Variants in PCDHGA9 observed in about 807,000 individuals in gnomAD.
PCDHGA9 encodes the protein protocadherin gamma subfamily A, 9.
In PCDHGA9, 37 loss-of-function variants were observed where a neutral mutation model predicts 62.5. The ratio of observed to expected loss-of-function variants is 0.59; its 90% CI spans 0.46 to 0.78. PCDHGA9 has a LOEUF of 0.78. PCDHGA9 is among the 30% of genes least tolerant of loss of function. The pLI is 0.00. For missense variants in PCDHGA9, 1,138 were observed against 1,166.2 expected (o/e 0.98, Z 0.35); for synonymous variants, 459 against 484.6 (o/e 0.95, Z 0.69).
In PCDHGA9 at chr5:141,403,391, G is replaced by GT. The variant is rs2154533404; in HGVS notation, c.441dup (p.Pro148SerfsTer12). The GT allele has an allele frequency of 1.2e-6, 2 of 1,614,046 alleles. No individual in the cohort carries two copies. The highest frequency in any genetic ancestry group is 3.3e-5 in the Admixed American group (2 of 60,034). ...GGAAGTAAAAATTAACGAAATCGCGGTTCCTGGAGCACGTTATCCACTTCC... is the reference window on the plus strand; with the variant it reads ...GGAAGTAAAAATTAACGAAATCGCGGTTTCCTGGAGCACGTTATCCACTTCC... On this transcript the variant is annotated frameshift_variant, in exon 1 of 4. Coordinates refer to ENST00000573521, the MANE Select transcript of PCDHGA9 (RefSeq NM_018921.3). LOFTEE classifies it high-confidence loss of function.
chr5:141,477,835 T>G lies in PCDHGA9; in HGVS notation c.2425-16972T>G. ...CCCAGGTCCTATATCCTCGGCCAGG[T>G]GGGAGCTCGGTGGAGATGCTGCCTC... On this transcript the variant is annotated intron_variant, in intron 1 of 3. Coordinates refer to ENST00000573521, the MANE Select transcript of PCDHGA9 (RefSeq NM_018921.3). This position sits in a 1 kb window ranked among gnomAD's most constrained non-coding sequence, Gnocchi z 4.9. The G allele has an allele frequency of 6.2e-7, 1 of 1,614,090 alleles. No individual in the cohort carries two copies. Among genetic ancestry groups the G allele is most frequent in the South Asian group, 1.1e-5 (1 of 91,072 alleles).
chr5:141,420,394 C>A, intron 1 of PCDHGA9: 2 of 1,260,296 alleles, frequency 1.6e-6, no homozygotes, highest in Non-Finnish European at 2.1e-6. Flanking sequence ...AAATATAGGT[C>A]AAATTTATGG....
At chr5:141,415,266 G>T in intron 1 of PCDHGA9, 1 of 1,614,218 alleles carries the variant, frequency 6.2e-7, no homozygotes, top group Non-Finnish European at 8.5e-7. Flanking sequence ...CTCTGTACCT[G>T]GTGGTAGCGG....
At chr5:141,456,821 A>G (rs1432134342) in intron 1 of PCDHGA9, among the ~76,000 whole-genome samples, 2 of 151,744 alleles carry the variant, frequency 1.3e-5, no homozygotes, top group Admixed American at 6.6e-5. Context: ...AAAATTAGCC[A>G]TCGTGGTAGT....
Position 141,408,292 on chromosome 5 carries a change from T to C in PCDHGA9, c.2424+2916T>C, listed in dbSNP as rs752767472. On this transcript the variant is annotated intron_variant, in intron 1 of 3. Coordinates refer to ENST00000573521, the MANE Select transcript of PCDHGA9 (RefSeq NM_018921.3). ...TGCCTTTGTTCTACCCCACCCTGAGTGAGCCGATCCGCTACTCGATTCCGG... is the reference window on the plus strand; with the variant it reads ...TGCCTTTGTTCTACCCCACCCTGAGCGAGCCGATCCGCTACTCGATTCCGG... The C allele has an allele frequency of 5.0e-6, 8 of 1,613,504 alleles. No homozygotes were observed. The South Asian group carries it at 8.8e-5, about 18-fold the overall frequency.
intron 1 of PCDHGA9, among the ~76,000 whole-genome samples, chr5:141,437,716 C>T (rs575174227): frequency 1.2e-4 from 18 of 151,782 alleles, no homozygotes; most frequent in Admixed American, 1.0e-3. Flanking sequence ...CACAGTTACC[C>T]TCTAATGTTA....
At chr5:141,419,723 C>G (rs373666366) in intron 1 of PCDHGA9, 1 of 1,613,174 alleles carries the variant, frequency 6.2e-7, no homozygotes, top group African/African-American at 1.3e-5. Context: ...CCTGGGGCTG[C>G]GAACAGGCGA....
At chr5:141,464,682 T>C (rs1442997972) in intron 1 of PCDHGA9, among the ~76,000 whole-genome samples, 1 of 152,132 alleles carries the variant, frequency 6.6e-6, no homozygotes, top group Non-Finnish European at 1.5e-5. Flanking sequence ...TTAATTAAAA[T>C]TTCTCTTATT....
rs759220286 is a variant in PCDHGA9 at position 141,490,018 on chromosome 5, C to G, written c.2425-4789C>G. The G allele has an allele frequency of 6.2e-7, 1 of 1,614,252 alleles. No individual in the cohort carries two copies. Among genetic ancestry groups the G allele is most frequent in the Non-Finnish European group, 8.5e-7 (1 of 1,180,038 alleles). ...CCCAGAGAATGCACCCATTGGTACTCTGCTGCTCCGCCTCAATGCCACTGA... is the reference window on the plus strand; with the variant it reads ...CCCAGAGAATGCACCCATTGGTACTGTGCTGCTCCGCCTCAATGCCACTGA... On this transcript the variant is annotated intron_variant, in intron 1 of 3. Transcript: ENST00000573521. This position sits in a 1 kb window ranked among gnomAD's most constrained non-coding sequence, Gnocchi z 5.4.
intron 2 of PCDHGA9, among the ~76,000 whole-genome samples, chr5:141,497,621 C>T (rs769483223): frequency 7.3e-5 from 11 of 151,482 alleles, no homozygotes; most frequent in Non-Finnish European, 1.3e-4. Flanking sequence ...CTCACTGCAA[C>T]CTCTGCCTGC....
intron 2 of PCDHGA9, among the ~76,000 whole-genome samples, chr5:141,501,018 G>A (rs1337771734): frequency 2.0e-5 from 3 of 151,882 alleles, no homozygotes; most frequent in East Asian, 1.9e-4. Context: ...ACAGGCACGC[G>A]CCACCACGCC....
At chr5:141,508,806 C>T (rs1243735850) in intron 3 of PCDHGA9, among the ~76,000 whole-genome samples, 1 of 152,066 alleles carries the variant, frequency 6.6e-6, no homozygotes, top group African/African-American at 2.4e-5. Flanking sequence ...AATCCTGGCT[C>T]TTTGAAGCCA....
At position 141,403,578 on chromosome 5, in the gene PCDHGA9, A is replaced by G; in HGVS notation, c.626A>G (p.His209Arg). The G allele has an allele frequency of 6.2e-7, 1 of 1,613,850 alleles. No individual in the cohort carries two copies. ...ALDREEATAH[H>R]LVLTASDGGE... Reference sequence around the variant, plus strand: ...GACAGGGAGGAGGCAACTGCCCACCACCTGGTCCTCACGGCCTCGGATGGC... The same window carrying G: ...GACAGGGAGGAGGCAACTGCCCACCGCCTGGTCCTCACGGCCTCGGATGGC... The change falls in exon 1 of 4, where the codon CAC becomes CGC. Residue 209 changes from histidine (H) to arginine (R), a missense_variant. Transcript: ENST00000573521.
At chr5:141,421,060 A>C (rs1394861719) in intron 1 of PCDHGA9, 3 of 579,718 alleles carry the variant, frequency 5.2e-6, no homozygotes, top group Non-Finnish European at 8.8e-6. Context: ...TACCACACAA[A>C]GCGGAATGAG....
rs1248714579 is a variant in PCDHGA9 at position 141,489,513 on chromosome 5, C to A, written c.2425-5294C>A. The A allele has an allele frequency of 6.2e-7, 1 of 1,614,000 alleles. No homozygotes were observed. Among genetic ancestry groups the A allele is most frequent in the African/African-American group, 1.3e-5 (1 of 74,918 alleles). ...CCCTGGCAGTGAATCAAAAGATTGACCGAGAAAGCCTATGTGGAGCCAGCA... is the reference window on the plus strand; with the variant it reads ...CCCTGGCAGTGAATCAAAAGATTGAACGAGAAAGCCTATGTGGAGCCAGCA... On this transcript the variant is annotated intron_variant, in intron 1 of 3. Coordinates refer to ENST00000573521, the MANE Select transcript of PCDHGA9 (RefSeq NM_018921.3). The surrounding 1 kb of genome is among the most constrained non-coding windows in gnomAD (Gnocchi z 4.5).
intron 1 of PCDHGA9, among the ~76,000 whole-genome samples, chr5:141,451,108 G>A (rs1484218835): frequency 3.3e-5 from 5 of 151,860 alleles, no homozygotes; most frequent in South Asian, 2.1e-4. Flanking sequence ...GATTACAGGC[G>A]TGAGCCACCA....
Position 141,476,610 on chromosome 5 carries a change from G to A in PCDHGA9, c.2425-18197G>A, listed in dbSNP as rs769858609. ...GAGAGCGCGCACGATCCCGATGTGGGAAGCAACTCTTTACAAACCTATGAG... is the reference window on the plus strand; with the variant it reads ...GAGAGCGCGCACGATCCCGATGTGGAAAGCAACTCTTTACAAACCTATGAG... On this transcript the variant is annotated intron_variant, in intron 1 of 3. Coordinates refer to ENST00000573521, the MANE Select transcript of PCDHGA9 (RefSeq NM_018921.3). The surrounding 1 kb of genome is among the most constrained non-coding windows in gnomAD (Gnocchi z 7.6). The A allele has an allele frequency of 1.2e-6, 2 of 1,614,262 alleles. No homozygotes were observed. The highest frequency in any genetic ancestry group is 3.3e-5 in the Admixed American group (2 of 60,036).
Position 141,409,135 on chromosome 5 carries a change from T to C in PCDHGA9, c.2424+3759T>C, listed in dbSNP as rs748247175. 3.1e-6 allele frequency: 5 copies of C among 1,614,026 alleles called. No homozygotes were observed. In the South Asian group the frequency reaches 3.3e-5, roughly 11 times the overall value. On this transcript the variant is annotated intron_variant, in intron 1 of 3. Coordinates refer to ENST00000573521, the MANE Select transcript of PCDHGA9 (RefSeq NM_018921.3). ...ATAACCAGTCATTTGATTTTGAAGA[T>C]GTAGAAAGGTACACCATGGAAGTGG...
In PCDHGA9 at chr5:141,409,582, C is replaced by A. The variant is rs2095287974; in HGVS notation, c.2424+4206C>A. On this transcript the variant is annotated intron_variant, in intron 1 of 3. Coordinates refer to ENST00000573521, the MANE Select transcript of PCDHGA9 (RefSeq NM_018921.3). ...TCGACCAGACGTCCTACGTGGTCCA[C>A]GTGGCCGAGAACAACCCGCCAGGAG... 2.5e-6 allele frequency: 4 copies of A among 1,613,914 alleles called. No homozygotes were observed. The Middle Eastern group carries it at 4.9e-4, about 200-fold the overall frequency.
Sources: allele counts gnomAD v4.1 joint callset (sites outside exome capture counted in the v4.1 genomes callset), GRCh38; gene constraint gnomAD v4.1.1; non-coding constraint Gnocchi (gnomAD v3.1); transcripts MANE v1.5; gene names NCBI Gene and HGNC (gene_info 2026-07-23, HGNC 2026-07-21).